ZNF263: variants seen among roughly 807,000 people sequenced by gnomAD.
ZNF263 encodes zinc finger protein FPM315.
ZNF263 carries 49 observed loss-of-function variants against 63.1 expected under a neutral mutation model. That is an observed-to-expected ratio of 0.78 (90% CI 0.62 to 0.99). The LOEUF is 0.99. ZNF263 is among the 50% of genes least tolerant of loss of function. ZNF263 has a pLI of 0.00. For synonymous variants in ZNF263, 352 were observed against 324.2 expected, an observed-to-expected ratio of 1.09 and a Z score of -0.92; for missense variants, 872 against 854.8, an observed-to-expected ratio of 1.02 and a Z score of -0.25.
intron 1 of ZNF263, among the ~76,000 whole-genome samples, chr16:3,284,611 C>T (rs2150771476): frequency 6.6e-6 from 1 of 152,308 alleles, no homozygotes; most frequent in East Asian, 1.9e-4. Context: ...ACACTACTAG[C>T]TTATGAGTGC....
At position 3,289,630 on chromosome 16, in the gene ZNF263, A is replaced by G; in HGVS notation, c.1124A>G (p.Lys375Arg). ...GGGCGACCGAAGGAACTGCAGCCAA[A>G]GAAACTCCATTTATGTCCCTTGTGT... ...ELGRPKELQP[K>R]KLHLCPLCGK... Residue 375 changes from lysine (K) to arginine (R), a missense_variant, in exon 6 of 6, where the codon AAG becomes AGG. Physicochemically the swap from Lys to Arg is conservative, Grantham distance 26. Coordinates refer to ENST00000219069, the MANE Select transcript of ZNF263 (RefSeq NM_005741.5). 6.2e-7 allele frequency: 1 copy of G among 1,614,224 alleles called. No homozygotes were observed. Among genetic ancestry groups the G allele is most frequent in the Middle Eastern group, 1.6e-4 (1 of 6,062 alleles).
intron 4 of ZNF263, 151 bp from the exon 5 acceptor site, chr16:3,288,303 A>G (rs1959458164): frequency 1.3e-5 from 8 of 623,154 alleles, no homozygotes; most frequent in South Asian, 4.9e-5. Context: ...AGAGGTATCC[A>G]CTGGGAACAG....
Position 3,291,383 on chromosome 16 carries a change from C to T in ZNF263, c.*825C>T. On this transcript the variant is annotated 3_prime_UTR_variant, in exon 6 of 6. Transcript: ENST00000219069. ...TCCCTGGAAAATTGAAAATGTGAAT[C>T]CTAGGGGGAAATTGGGGATTGTGTC... The T allele has an allele frequency of 1.0e-6, 1 of 985,300 alleles. No homozygotes were observed. Among genetic ancestry groups the T allele is most frequent in the African/African-American group, 1.7e-5 (1 of 57,314 alleles). 61.0% of individuals were successfully genotyped at this position (985,300 alleles called of 1,614,324 possible).
Position 3,283,826 on chromosome 16 carries a change from C to T in ZNF263, c.8C>T (p.Ser3Leu). 20 of 1,567,466 alleles carry T rather than the reference C, an allele frequency of 1.3e-5. No individual in the cohort carries two copies. The highest frequency in any genetic ancestry group is 1.7e-5 in the Non-Finnish European group (20 of 1,159,870). Residue 3 changes from serine (S) to leucine (L), a missense_variant, in exon 1 of 6, where the codon TCG (serine) becomes TTG (leucine). Ser to Leu is a moderately radical substitution (Grantham distance 145). Coordinates refer to ENST00000219069, the MANE Select transcript of ZNF263 (RefSeq NM_005741.5). MA[S>L]GPGSQEREGL... ...CGCTCTGGAGACCTGACGATGGCGT[C>T]GGGCCCGGGCTCCCAGGAACGGGAA...
chr16:3,290,549 C>T lies in ZNF263; in HGVS notation c.2043C>T (p.His681=). ...SSRLMSHQRT[H]TG ...GTCTTATGAGTCATCAGAGAACTCACACAGGTTAGTAACAGTGGGGTTTCT... is the reference window on the plus strand; with the variant it reads ...GTCTTATGAGTCATCAGAGAACTCATACAGGTTAGTAACAGTGGGGTTTCT... The change falls in exon 6 of 6, where the codon CAC becomes CAT. Residue 681 remains histidine, a synonymous_variant. Coordinates refer to ENST00000219069, the MANE Select transcript of ZNF263 (RefSeq NM_005741.5). 6.2e-7 allele frequency: 1 copy of T among 1,609,698 alleles called. No individual in the cohort carries two copies. The highest frequency in any genetic ancestry group is 1.7e-5 in the Admixed American group (1 of 59,658).
chr16:3,289,091 G>C (rs1959496478), intron 5 of ZNF263, among the ~76,000 whole-genome samples: 4 of 152,154 alleles, frequency 2.6e-5, no homozygotes, highest in Admixed American at 2.6e-4. Context: ...TTATTCTTGA[G>C]CTTACTTGTC....
At position 3,288,362 on chromosome 16, in the gene ZNF263, A is replaced by G. The variant is rs142148370; in HGVS notation, c.770-92A>G. 129 of 893,232 alleles carry G rather than the reference A, an allele frequency of 1.4e-4. No homozygotes were observed. In the African/African-American group the frequency reaches 1.9e-3, roughly 13 times the overall value. The allele number at this position is 893,232 out of a possible 1,614,324, so 55.3% of individuals were successfully genotyped here. A position where few individuals can be genotyped will look rare whatever the true frequency, so the allele number is the denominator to read the frequency against. On this transcript the variant is annotated intron_variant, in intron 4 of 5. Transcript: ENST00000219069. ...CTGTCAGATTTATGGAGCATTCTGTATTTATCCACTGAGGGCAGGGAACAA... is the reference window on the plus strand; with the variant it reads ...CTGTCAGATTTATGGAGCATTCTGTGTTTATCCACTGAGGGCAGGGAACAA...
chr16:3,294,907 G>A (rs1959704653), downstream of ZNF263, among the ~76,000 whole-genome samples: 1 of 152,138 alleles, frequency 6.6e-6, no homozygotes, highest in Non-Finnish European at 1.5e-5. Flanking sequence ...GAAGTCCAGC[G>A]TATGTTTTTG....
At chr16:3,298,021 C>T (rs930385448) in intron 1 of ZNF263, among the ~76,000 whole-genome samples, 2 of 152,220 alleles carry the variant, frequency 1.3e-5, no homozygotes, top group African/African-American at 2.4e-5. Flanking sequence ...AGCAATTTAA[C>T]AGCGTGTATC....
intron 4 of ZNF263, among the ~76,000 whole-genome samples, chr16:3,287,699 A>G (rs979077646): frequency 2.0e-5 from 3 of 151,828 alleles, no homozygotes; most frequent in Admixed American, 6.6e-5. Context: ...TAGAAATGGC[A>G]CTTGTGGGTT....
In ZNF263 at chr16:3,299,301, C is replaced by G. The variant is rs1269073830; in HGVS notation, c.*46+145C>G. ...TTTCTTCATCTCCATTTAACCACAC[C>G]CTATCATCATCCAACTTAGTTTCCA... On this transcript the variant is annotated intron_variant, in intron 2 of 2. Coordinates refer to the ZNF263 transcript ENST00000574674. The G allele has an allele frequency of 2.5e-6, 4 of 1,608,690 alleles. No homozygotes were observed. In the South Asian group the frequency reaches 4.5e-5, roughly 18 times the overall value.
At chr16:3,292,897 G>A (rs1959648898), downstream of ZNF263, 1 of 152,164 alleles carries the variant, frequency 6.6e-6, no homozygotes, top group Non-Finnish European at 1.5e-5. Flanking sequence ...CACTATGCCT[G>A]GCATGTAAGA....
Position 3,290,178 on chromosome 16 carries a change from A to G in ZNF263, c.1672A>G (p.Ser558Gly), listed in dbSNP as rs1325257673. Residue 558 changes from serine (S) to glycine (G), a missense_variant, in exon 6 of 6, where the codon AGC becomes GGC. Physicochemically the swap from Ser to Gly is moderately conservative, Grantham distance 56. Coordinates refer to ENST00000219069, the MANE Select transcript of ZNF263 (RefSeq NM_005741.5). Reference sequence around the variant, plus strand: ...TGAGTGTGGGGAAGCTGTGAGTGACAGCACCCCCTTTCTTACAAACCATGG... The same window carrying G: ...TGAGTGTGGGGAAGCTGTGAGTGACGGCACCCCCTTTCTTACAAACCATGG... Reference protein sequence around the residue: ...FSECGEAVSDSTPFLTNHGAH... With the variant: ...FSECGEAVSDGTPFLTNHGAH... The G allele has an allele frequency of 1.2e-6, 2 of 1,614,046 alleles. No homozygotes were observed. Among genetic ancestry groups the G allele is most frequent in the African/African-American group, 2.7e-5 (2 of 74,912 alleles).
At chr16:3,299,100 T>G in intron 1 of ZNF263, 1 of 1,442,790 alleles carries the variant, frequency 6.9e-7, no homozygotes, top group Non-Finnish European at 9.1e-7. Context: ...GTTGCATCTC[T>G]TTCAGTGTGA....
intron 1 of ZNF263, among the ~76,000 whole-genome samples, chr16:3,298,458 C>T (rs1959827801): frequency 6.6e-6 from 1 of 152,100 alleles, no homozygotes. Flanking sequence ...ATGGTATACA[C>T]CGAAGTGTTG....
At chr16:3,292,309 A>C (rs1189154809), downstream of ZNF263, among the ~76,000 whole-genome samples, 1 of 152,208 alleles carries the variant, frequency 6.6e-6, no homozygotes, top group Non-Finnish European at 1.5e-5. Flanking sequence ...GCCTCAGTTT[A>C]GTATGTGTTT....
chr16:3,288,643 G>T lies in ZNF263; in HGVS notation c.886+73G>T, dbSNP rs184689904. On this transcript the variant is annotated intron_variant, in intron 5 of 5. Transcript: ENST00000219069. ...GCAGTTAAGAGTGAGGCATTTTTTGGTTTTGTTTTGTTTTGTTTTGAGATG... is the reference window on the plus strand; with the variant it reads ...GCAGTTAAGAGTGAGGCATTTTTTGTTTTTGTTTTGTTTTGTTTTGAGATG... 8.9e-6 allele frequency: 9 copies of T among 1,013,810 alleles called. No homozygotes were observed. In the African/African-American group the frequency reaches 1.1e-4, roughly 13 times the overall value. The allele number at this position is 1,013,810 out of a possible 1,614,324, so 62.8% of individuals were successfully genotyped here.
chr16:3,299,583 C>T, intron 2 of ZNF263: 1 of 1,541,752 alleles, frequency 6.5e-7, no homozygotes, highest in Non-Finnish European at 8.7e-7. Flanking sequence ...CAAGTTGCTT[C>T]CATCTATACA....
At chr16:3,295,894 T>C (rs939460350), downstream of ZNF263, among the ~76,000 whole-genome samples, 1 of 152,180 alleles carries the variant, frequency 6.6e-6, no homozygotes, top group East Asian at 1.9e-4. Context: ...TAAAATCTCG[T>C]AGGATGTCCC....
Sources: allele counts gnomAD v4.1 joint callset (sites outside exome capture counted in the v4.1 genomes callset), GRCh38; gene constraint gnomAD v4.1.1; transcripts MANE v1.5; gene names NCBI Gene and HGNC (gene_info 2026-07-23, HGNC 2026-07-21).